The following APELA variants were observed in gnomAD, a reference collection of about 807,000 sequenced individuals.
APELA encodes protein Elabela.
chr4:164,878,146 G>A (rs75989101), intron 1 of APELA, among the ~76,000 whole-genome samples: 3,635 of 121,366 alleles, frequency 0.03, 131 homozygotes, highest in African/African-American at 0.11. Flanking sequence ...AAAAAAAAAA[G>A]AAAGAAAAGA....
chr4:164,895,903 G>A lies in APELA; in HGVS notation c.*489G>A, dbSNP rs1418610059. ...ATTGACCATTTGGCTTCGCACAATA[G>A]GGAGAAAATAATTGGTTCATTGATT... On this transcript the variant is annotated 3_prime_UTR_variant, in exon 3 of 3. Transcript: ENST00000507152. 1.3e-5 allele frequency: 2 copies of A among 152,148 alleles called. No homozygotes were observed. Among genetic ancestry groups the A allele is most frequent in the African/African-American group, 4.8e-5 (2 of 41,428 alleles). The allele number at this position is 152,148 out of a possible 1,614,324, so 9.4% of individuals were successfully genotyped here.
intron 2 of APELA, among the ~76,000 whole-genome samples, chr4:164,889,630 C>T (rs1730842388): frequency 6.6e-6 from 1 of 152,084 alleles, no homozygotes. Context: ...TAAACGTGTG[C>T]CATGGTGGTT....
At chr4:164,880,582 A>G (rs1280302827) in intron 2 of APELA, among the ~76,000 whole-genome samples, 1 of 152,238 alleles carries the variant, frequency 6.6e-6, no homozygotes, top group African/African-American at 2.4e-5. Context: ...TCTGTGCTTA[A>G]GAGGAATAGA....
At chr4:164,885,979 C>A (rs189624447) in intron 2 of APELA, among the ~76,000 whole-genome samples, 37 of 152,232 alleles carry the variant, frequency 2.4e-4, no homozygotes, top group African/African-American at 6.5e-4. Flanking sequence ...ATCCTATTTT[C>A]CTCATGACGA....
At chr4:164,894,155 T>C (rs1730929883) in intron 2 of APELA, among the ~76,000 whole-genome samples, 1 of 152,108 alleles carries the variant, frequency 6.6e-6, no homozygotes, top group Admixed American at 6.6e-5. Context: ...AAACCCTGTC[T>C]CTACTAAAAA....
chr4:164,891,549 T>C (rs1730881881), intron 2 of APELA, among the ~76,000 whole-genome samples: 1 of 152,218 alleles, frequency 6.6e-6, no homozygotes, highest in Non-Finnish European at 1.5e-5. Flanking sequence ...ATTCTTTTGA[T>C]GCTATTGCAA....
At chr4:164,881,907 C>A (rs111738699) in intron 2 of APELA, among the ~76,000 whole-genome samples, 2,790 of 150,194 alleles carry the variant, frequency 0.019, 81 homozygotes, top group African/African-American at 0.064. Context: ...GGCATGGTGG[C>A]GTGTGCCTCT....
intron 2 of APELA, among the ~76,000 whole-genome samples, chr4:164,890,867 G>A (rs538145634): frequency 2.6e-4 from 39 of 152,152 alleles, no homozygotes; most frequent in Non-Finnish European, 4.9e-4. Context: ...AGCAGTATAC[G>A]TGGGTTTTAA....
intron 2 of APELA, among the ~76,000 whole-genome samples, chr4:164,884,125 A>AAG (rs1337283801): frequency 8.3e-5 from 12 of 144,696 alleles, no homozygotes. Context: ...AAGAAAGAGA[A>AAG]AGAAAGAAAG....
chr4:164,892,622 AACCATAAAATG>A (rs1417082893), intron 2 of APELA, among the ~76,000 whole-genome samples: 4 of 152,154 alleles, frequency 2.6e-5, no homozygotes, highest in Admixed American at 2.6e-4. Context: ...GGTATTGGGT[AACCATAAAATG>A]ACGTGGGAAG....
Position 164,882,071 on chromosome 4 carries a change from G to A in APELA, c.*1+3062G>A, listed in dbSNP as rs368626858. 9.6e-4 allele frequency among the ~76,000 whole-genome samples: 146 copies of A among 151,884 alleles called. 1 individual carries two copies. In the South Asian group the frequency reaches 0.025, roughly 26 times the overall value. On this transcript the variant is annotated intron_variant, in intron 2 of 2. Transcript: ENST00000507152. ...TGTACTCTAGATAACTACATACTCC[G>A]TCAATACATACTCTACTAGCTTTTT...
At chr4:164,884,604 A>G (rs1486807285) in intron 2 of APELA, among the ~76,000 whole-genome samples, 1 of 152,122 alleles carries the variant, frequency 6.6e-6, no homozygotes, top group Non-Finnish European at 1.5e-5. Flanking sequence ...GTTTGGACCT[A>G]CTAGATTCAA....
chr4:164,881,395 TA>T lies in APELA; in HGVS notation c.*1+2387del, dbSNP rs1730650449. On this transcript the variant is annotated intron_variant, in intron 2 of 2. Transcript: ENST00000507152. ...CCCTTTATTAGAGTGTTCAGACCTT[TA>T]GCTCTTTTAATAGAAATGTCATATT... is the stretch of plus-strand genomic sequence containing the variant. Among the ~76,000 whole-genome samples the T allele has an allele frequency of 2.6e-5, 4 of 152,334 alleles. No homozygotes were observed. In the South Asian group the frequency reaches 8.3e-4, roughly 32 times the overall value.
At chr4:164,890,307 A>G (rs1329347162) in intron 2 of APELA, among the ~76,000 whole-genome samples, 2 of 152,112 alleles carry the variant, frequency 1.3e-5, no homozygotes, top group African/African-American at 2.4e-5. Flanking sequence ...GGCTTTTACT[A>G]TATTCCTAAG....
chr4:164,888,070 A>G (rs1730808343), intron 2 of APELA, among the ~76,000 whole-genome samples: 1 of 152,138 alleles, frequency 6.6e-6, no homozygotes, highest in South Asian at 2.1e-4. Context: ...CCTCCTAAAC[A>G]GGCTGTTGTA....
chr4:164,890,155 T>C (rs1044122584), intron 2 of APELA, among the ~76,000 whole-genome samples: 7 of 152,246 alleles, frequency 4.6e-5, no homozygotes, highest in Non-Finnish European at 7.3e-5. Context: ...GTGAATGGCA[T>C]GCATACGTAT....
chr4:164,888,510 C>T (rs1030162751), intron 2 of APELA, among the ~76,000 whole-genome samples: 2 of 152,134 alleles, frequency 1.3e-5, no homozygotes, highest in Non-Finnish European at 2.9e-5. Context: ...AGTTCTTAAC[C>T]ATCTGGGACC....
intron 2 of APELA, among the ~76,000 whole-genome samples, chr4:164,883,891 A>G (rs763983151): frequency 1.4e-5 from 2 of 146,656 alleles, no homozygotes; most frequent in Non-Finnish European, 3.0e-5. Context: ...AATGTTCAAT[A>G]TGTCAACACT....
intron 2 of APELA, among the ~76,000 whole-genome samples, chr4:164,892,082 G>T (rs1730893293): frequency 6.6e-6 from 1 of 152,014 alleles, no homozygotes; most frequent in Non-Finnish European, 1.5e-5. Context: ...AGGCTGAGGG[G>T]GGCAGATTGC....
Sources: allele counts gnomAD v4.1 joint callset (sites outside exome capture counted in the v4.1 genomes callset), GRCh38; gene constraint gnomAD v4.1.1; transcripts MANE v1.5; gene names NCBI Gene and HGNC (gene_info 2026-07-23, HGNC 2026-07-21).